NPAS3: variants seen among roughly 807,000 people sequenced by gnomAD.
NPAS3 encodes the protein neuronal PAS domain-containing protein 3.
Under a neutral mutation model 73.1 loss-of-function variants are expected in NPAS3, and 14 were observed. The ratio of observed to expected loss-of-function variants is 0.19; its 90% CI spans 0.13 to 0.30. NPAS3 has a LOEUF of 0.30. Ranked by LOEUF, NPAS3 falls within the 10% of genes least tolerant of loss-of-function variation. NPAS3 has a pLI of 1.00. For missense variants in NPAS3, 1,096 were observed against 1,250.0 expected, an observed-to-expected ratio of 0.88 and a Z score of 1.86; for synonymous variants, 620 against 541.5, an observed-to-expected ratio of 1.14 and a Z score of -2.01.
intron 1 of NPAS3, among the ~76,000 whole-genome samples, chr14:33,002,932 ACT>A (rs2038861946): frequency 1.3e-5 from 2 of 151,972 alleles, no homozygotes; most frequent in African/African-American, 4.8e-5. Flanking sequence ...AGTCATTCAC[ACT>A]CTCTGTATAT....
chr14:33,697,830 A>G (rs1251868675), intron 6 of NPAS3, among the ~76,000 whole-genome samples: 4 of 152,220 alleles, frequency 2.6e-5, no homozygotes, highest in African/African-American at 7.2e-5. Context: ...TAAATGTGCT[A>G]AAGAATTGTG....
At chr14:33,560,053 C>A in intron 4 of NPAS3, 68 bp from the exon 5 acceptor site, 1 of 667,988 alleles carries the variant, frequency 1.5e-6, no homozygotes. Flanking sequence ...TTCTCAGTTG[C>A]CTTACTAATT....
intron 1 of NPAS3, among the ~76,000 whole-genome samples, chr14:32,941,425 G>C (rs1008835150): frequency 1.4e-5 from 2 of 148,136 alleles, no homozygotes; most frequent in Non-Finnish European, 3.0e-5. Context: ...GCCTATTCGT[G>C]TGCCATTTTA....
chr14:33,391,796 T>C (rs566493843), intron 4 of NPAS3, among the ~76,000 whole-genome samples: 1 of 152,264 alleles, frequency 6.6e-6, no homozygotes, highest in East Asian at 1.9e-4. Flanking sequence ...TTCCAGAACT[T>C]CAGAGACATG....
At chr14:33,302,447 G>A (rs2042589925) in intron 3 of NPAS3, among the ~76,000 whole-genome samples, 1 of 152,156 alleles carries the variant, frequency 6.6e-6, no homozygotes. Context: ...AAATTGAAAT[G>A]AATTGTAACA....
intron 3 of NPAS3, among the ~76,000 whole-genome samples, chr14:33,273,356 C>G (rs962880963): frequency 1.3e-5 from 2 of 152,146 alleles, no homozygotes; most frequent in Non-Finnish European, 2.9e-5. Flanking sequence ...TCAGTCCACA[C>G]AGGGTAGGAG....
chr14:33,142,006 T>C (rs569812894), intron 2 of NPAS3, among the ~76,000 whole-genome samples: 5 of 152,132 alleles, frequency 3.3e-5, no homozygotes, highest in Middle Eastern at 6.8e-3. Flanking sequence ...TATTAAACAA[T>C]TTATTTATTT....
Position 32,965,835 on chromosome 14 carries a change from G to A in NPAS3, c.50+26469G>A, listed in dbSNP as rs145309345. ...CTACAGACGCCATTTAAAAATAGCT[G>A]TTGGGACTAAAAAACAAATTTAGTA... On this transcript the variant is annotated intron_variant, in intron 1 of 11. Coordinates refer to ENST00000356141, the Ensembl canonical transcript of NPAS3. Among the ~76,000 whole-genome samples the A allele has an allele frequency of 6.8e-3, 1,029 of 152,176 alleles. 10 individuals are homozygous for A. The highest frequency in any genetic ancestry group is 0.024 in the African/African-American group (988 of 41,484).
At chr14:33,533,791 G>T (rs965214094) in intron 4 of NPAS3, among the ~76,000 whole-genome samples, 2 of 150,204 alleles carry the variant, frequency 1.3e-5, no homozygotes, top group African/African-American at 2.5e-5. Flanking sequence ...TGTATTGTGA[G>T]AATTTTTTTA....
chr14:33,055,870 C>A (rs1195342258), intron 1 of NPAS3, 35 bp from the exon 2 acceptor site: 1 of 776,742 alleles, frequency 1.3e-6, no homozygotes, highest in Non-Finnish European at 2.3e-6. Context: ...TAGAGAATCT[C>A]TAGTCATGTC....
intron 5 of NPAS3, among the ~76,000 whole-genome samples, chr14:33,642,960 A>C (rs1381606193): frequency 6.6e-6 from 1 of 152,142 alleles, no homozygotes; most frequent in Non-Finnish European, 1.5e-5. Flanking sequence ...TAAACCAAAA[A>C]AGTGTCCATG....
intron 3 of NPAS3, among the ~76,000 whole-genome samples, chr14:33,239,024 A>G (rs1366738611): frequency 2.0e-5 from 3 of 151,942 alleles, no homozygotes; most frequent in African/African-American, 7.2e-5. Flanking sequence ...TAAGTATGTG[A>G]TCAAGACTTC....
chr14:32,943,869 A>T (rs1232196281), intron 1 of NPAS3, among the ~76,000 whole-genome samples: 1 of 151,864 alleles, frequency 6.6e-6, no homozygotes. Flanking sequence ...TTGTATTTTT[A>T]GTAGAGATAG....
chr14:33,576,711 G>A (rs2056448213), intron 5 of NPAS3, among the ~76,000 whole-genome samples: 2 of 151,772 alleles, frequency 1.3e-5, no homozygotes, highest in South Asian at 2.1e-4. Flanking sequence ...ATCAGAAAGG[G>A]CCACTTTAAA....
At chr14:33,168,383 C>A (rs1453051099) in intron 2 of NPAS3, among the ~76,000 whole-genome samples, 7 of 152,146 alleles carry the variant, frequency 4.6e-5, no homozygotes, top group South Asian at 2.1e-4. Context: ...AACAAAGACA[C>A]CAGACATCTG....
intron 1 of NPAS3, among the ~76,000 whole-genome samples, chr14:33,020,629 G>A (rs1044955015): frequency 2.6e-5 from 4 of 152,070 alleles, no homozygotes; most frequent in African/African-American, 7.2e-5. Flanking sequence ...CTCATTGCTT[G>A]GACAGCAAGG....
rs530885181 is a variant in NPAS3 at position 33,586,443 on chromosome 14, A to C, written c.558+26233A>C. Among the ~76,000 whole-genome samples the C allele has an allele frequency of 1.5e-4, 23 of 152,252 alleles. 1 individual carries two copies. Among genetic ancestry groups the C allele is most frequent in the African/African-American group, 5.5e-4 (23 of 41,564 alleles). ...ATAAAAGAAGAATATAATAACTGAA[A>C]GATACTGTTGAATAAAGTCAGCAGA... On this transcript the variant is annotated intron_variant, in intron 5 of 11. Coordinates refer to ENST00000356141, the Ensembl canonical transcript of NPAS3.
intron 1 of NPAS3, among the ~76,000 whole-genome samples, chr14:33,037,502 GA>G (rs553591169): frequency 3.9e-4 from 57 of 147,484 alleles, no homozygotes; most frequent in African/African-American, 1.4e-3. Flanking sequence ...AAAGAAAAAA[GA>G]AAAAAAGAAA....
intron 3 of NPAS3, among the ~76,000 whole-genome samples, chr14:33,293,834 G>C (rs1251462810): frequency 6.6e-6 from 1 of 152,200 alleles, no homozygotes; most frequent in Non-Finnish European, 1.5e-5. Flanking sequence ...TAATTAGCCA[G>C]AGTATTAAGG....
Sources: gnomAD v4.1 joint callset for allele counts (sites outside exome capture counted in the v4.1 genomes callset) on GRCh38, gnomAD v4.1.1 for gene constraint, MANE v1.5 for transcripts, NCBI Gene and HGNC (gene_info 2026-07-23, HGNC 2026-07-21) for gene names.